Variants in TEAD1 observed in about 807,000 individuals in gnomAD.
The protein encoded by TEAD1 is transcriptional enhancer factor TEF-1.
Under a neutral mutation model 54.9 loss-of-function variants are expected in TEAD1, and 9 were observed. The observed-to-expected ratio is 0.16, with a 90% CI of 0.10 to 0.29. The LOEUF (loss-of-function observed/expected upper bound fraction) is 0.29. Ranked by LOEUF, TEAD1 falls within the 10% of genes least tolerant of loss-of-function variation. TEAD1 has a pLI of 1.00. For synonymous variants in TEAD1, 200 were observed against 187.8 expected (o/e 1.07, Z -0.53); for missense variants, 387 against 535.9 (o/e 0.72, Z 2.74).
chr11:12,800,209 A>G (rs1283001690), intron 3 of TEAD1, among the ~76,000 whole-genome samples: 1 of 152,214 alleles, frequency 6.6e-6, no homozygotes, highest in African/African-American at 2.4e-5. Flanking sequence ...TTGCACCTCC[A>G]GAGCTAGTCT....
At chr11:12,677,208 A>G (rs1300065995) in intron 2 of TEAD1, among the ~76,000 whole-genome samples, 1 of 152,094 alleles carries the variant, frequency 6.6e-6, no homozygotes, top group Non-Finnish European at 1.5e-5. Context: ...CATGACATAT[A>G]CTTAATTAAA....
At chr11:12,882,973 G>A (rs377501285) in intron 8 of TEAD1, 28 bp from the exon 9 acceptor site, 3 of 1,614,120 alleles carry the variant, frequency 1.9e-6, no homozygotes, top group Non-Finnish European at 2.5e-6. Context: ...TGAGTGACCA[G>A]CATCAAAGGT....
At chr11:12,756,335 C>G (rs1590118958) in intron 2 of TEAD1, among the ~76,000 whole-genome samples, 1 of 152,146 alleles carries the variant, frequency 6.6e-6, no homozygotes. Flanking sequence ...ATTCCCATTC[C>G]CTGAGAATTC....
At chr11:12,910,458 A>G (rs1265763592) in intron 10 of TEAD1, among the ~76,000 whole-genome samples, 1 of 152,236 alleles carries the variant, frequency 6.6e-6, no homozygotes, top group Non-Finnish European at 1.5e-5. Context: ...CATAATAATA[A>G]TTAGTACAGT....
intron 9 of TEAD1, among the ~76,000 whole-genome samples, chr11:12,897,628 C>T (rs900122309): frequency 6.6e-6 from 1 of 152,174 alleles, no homozygotes; most frequent in African/African-American, 2.4e-5. Context: ...AGAGACAGTG[C>T]CCAGTTTCCT....
chr11:12,885,234 CTTTTT>C (rs10549378), intron 9 of TEAD1, among the ~76,000 whole-genome samples: 11 of 105,034 alleles, frequency 1.0e-4, no homozygotes, highest in Admixed American at 7.3e-4. Context: ...CTTGAATTGT[CTTTTT>C]TTTTTTTTTT....
intron 2 of TEAD1, among the ~76,000 whole-genome samples, chr11:12,732,375 G>A (rs1160335571): frequency 6.6e-6 from 1 of 152,086 alleles, no homozygotes; most frequent in Non-Finnish European, 1.5e-5. Flanking sequence ...CTTCCATTTT[G>A]TCACATGTGA....
chr11:12,816,069 C>T (rs182129283), intron 3 of TEAD1, among the ~76,000 whole-genome samples: 29 of 152,328 alleles, frequency 1.9e-4, no homozygotes, highest in Non-Finnish European at 3.1e-4. Context: ...GAGCAAGCTG[C>T]GGTCTGCCTT....
intron 2 of TEAD1, among the ~76,000 whole-genome samples, chr11:12,700,999 C>T (rs1324419642): frequency 1.3e-5 from 2 of 152,224 alleles, no homozygotes; most frequent in Non-Finnish European, 2.9e-5. Context: ...CTAGCACAGT[C>T]ATGCTTTAGA....
intron 11 of TEAD1, among the ~76,000 whole-genome samples, chr11:12,926,326 T>C (rs1053556913): frequency 2.6e-5 from 4 of 152,168 alleles, no homozygotes; most frequent in Non-Finnish European, 5.9e-5. Flanking sequence ...GGAAAGGTTA[T>C]GCTGGCAGAA....
In TEAD1 at chr11:12,879,786, C is replaced by T; in HGVS notation, c.409C>T (p.His137Tyr). The T allele has an allele frequency of 6.2e-7, 1 of 1,614,166 alleles. No homozygotes were observed. The highest frequency in any genetic ancestry group is 1.3e-5 in the African/African-American group (1 of 75,050). The stretch of plus-strand genomic sequence containing the variant: ...CCAGATCGTCTCGGCCACTGCCATT[C>T]ATAACAAGCTGGGGCTGCCTGGGAT... Residue 137 changes from histidine (H) to tyrosine (Y), a missense_variant, in exon 6 of 13, where the codon CAT (histidine) becomes TAT (tyrosine). His to Tyr is a moderately conservative substitution (Grantham distance 83). Transcript: ENST00000527636.
In TEAD1 at chr11:12,829,706, G is replaced by A. The variant is rs117174055; in HGVS notation, c.203-32544G>A. 6.7e-3 allele frequency among the ~76,000 whole-genome samples: 1,027 copies of A among 152,282 alleles called. 4 individuals carry two copies. The highest frequency in any genetic ancestry group is 0.012 in the Admixed American group (177 of 15,298). ...GCTTCTGCTAGCCTTTTACTGTCCA[G>A]TTGTAGAGAGTAGGCCCAGTGAACT... is the stretch of plus-strand genomic sequence containing the variant. On this transcript the variant is annotated intron_variant, in intron 3 of 12. Coordinates refer to ENST00000527636, the MANE Select transcript of TEAD1 (RefSeq NM_021961.6).
chr11:12,865,775 G>C (rs532525751), intron 5 of TEAD1, among the ~76,000 whole-genome samples: 2 of 152,072 alleles, frequency 1.3e-5, no homozygotes, highest in East Asian at 3.9e-4. Flanking sequence ...CCCTATTTTA[G>C]AAATGCAAAG....
chr11:12,939,607 T>G lies in TEAD1; in HGVS notation c.*2385T>G, dbSNP rs1220920261. ...AGCCCAGTCTGCTGACCTCACAGGG[T>G]CAGCTGGGCCCCCCTGGTGCTTCAC... On this transcript the variant is annotated 3_prime_UTR_variant, in exon 13 of 13. Transcript: ENST00000527636. 1 of 152,258 alleles carries G rather than the reference T, an allele frequency of 6.6e-6. No individual in the cohort carries two copies. Among genetic ancestry groups the G allele is most frequent in the Non-Finnish European group, 1.5e-5 (1 of 68,068 alleles). 9.4% of individuals were successfully genotyped at this position (152,258 alleles called of 1,614,324 possible).
rs1949124669 is a variant in TEAD1, at chr11:12,937,892, G to T, written c.*670G>T. The T allele has an allele frequency of 6.6e-6, 1 of 151,912 alleles. No homozygotes were observed. Among genetic ancestry groups the T allele is most frequent in the African/African-American group, 2.4e-5 (1 of 41,220 alleles). The allele number at this position is 151,912 out of a possible 1,614,324, so 9.4% of individuals were successfully genotyped here. ...GACAAATTTGTACTTTTATCCTCAA[G>T]GTTAACACTAATCTCCTAATCCATT... On this transcript the variant is annotated 3_prime_UTR_variant, in exon 13 of 13. Transcript: ENST00000527636.
intron 3 of TEAD1, among the ~76,000 whole-genome samples, chr11:12,798,483 G>T (rs1280424472): frequency 6.6e-6 from 1 of 152,170 alleles, no homozygotes; most frequent in Non-Finnish European, 1.5e-5. Context: ...CCATCTTCAA[G>T]GTCTGGGACT....
At chr11:12,879,910 C>T in intron 6 of TEAD1, 68 bp downstream of exon 6, 1 of 1,604,620 alleles carries the variant, frequency 6.2e-7, no homozygotes, top group Non-Finnish European at 8.5e-7. Flanking sequence ...CAGTGTTAAG[C>T]CTCCCACCTC....
chr11:12,821,241 C>G (rs994186501), intron 3 of TEAD1, among the ~76,000 whole-genome samples: 21 of 152,140 alleles, frequency 1.4e-4, no homozygotes, highest in African/African-American at 5.1e-4. Flanking sequence ...GCACCTGATT[C>G]TTTTGGATCA....
chr11:12,705,793 T>C (rs995841821), intron 2 of TEAD1, among the ~76,000 whole-genome samples: 3 of 152,240 alleles, frequency 2.0e-5, no homozygotes, highest in African/African-American at 7.2e-5. Flanking sequence ...TTATTTGTAA[T>C]GTGGATAATA....
Sources: gnomAD v4.1 joint callset for allele counts (sites outside exome capture counted in the v4.1 genomes callset) on GRCh38, gnomAD v4.1.1 for gene constraint, MANE v1.5 for transcripts, NCBI Gene and HGNC (gene_info 2026-07-23, HGNC 2026-07-21) for gene names.